The following EPHA3 variants were observed in gnomAD, a reference collection of about 807,000 sequenced individuals.
The protein encoded by EPHA3 is EPH receptor A3, also known as ephrin type-A receptor 3.
Under a neutral mutation model 107.1 loss-of-function variants are expected in EPHA3, and 42 were observed. The observed-to-expected ratio is 0.39, with a 90% CI of 0.31 to 0.51. The LOEUF is 0.51. Ranked by LOEUF, EPHA3 falls within the 20% of genes least tolerant of loss-of-function variation. The pLI, the probability that EPHA3 is intolerant of heterozygous loss-of-function variation, is 0.78. For synonymous variants in EPHA3, 461 were observed against 424.8 expected, an observed-to-expected ratio of 1.09 and a Z score of -1.05; for missense variants, 1,183 against 1,211.2, an observed-to-expected ratio of 0.98 and a Z score of 0.35.
At chr3:89,220,574 G>C (rs1054900942) in intron 3 of EPHA3, among the ~76,000 whole-genome samples, 6 of 152,176 alleles carry the variant, frequency 3.9e-5, no homozygotes, top group Non-Finnish European at 5.9e-5. Flanking sequence ...AGTAATAAAA[G>C]AGATATCAAA....
intron 4 of EPHA3, among the ~76,000 whole-genome samples, 183 bp downstream of exon 4, chr3:89,341,254 A>C (rs948054746): frequency 4.6e-5 from 7 of 152,222 alleles, no homozygotes; most frequent in Non-Finnish European, 1.5e-5. Context: ...TTATCACACA[A>C]AATGAATTAA....
intron 3 of EPHA3, among the ~76,000 whole-genome samples, chr3:89,224,113 T>G (rs1349075165): frequency 6.6e-6 from 1 of 152,202 alleles, no homozygotes; most frequent in African/African-American, 2.4e-5. Flanking sequence ...GATAACTTTC[T>G]TGAACATAGG....
intron 3 of EPHA3, among the ~76,000 whole-genome samples, chr3:89,287,768 G>A (rs1329013174): frequency 6.6e-6 from 1 of 152,020 alleles, no homozygotes; most frequent in Non-Finnish European, 1.5e-5. Context: ...GTGGAAATTA[G>A]TTCATGTTAC....
intron 3 of EPHA3, among the ~76,000 whole-genome samples, chr3:89,299,499 A>G (rs1429680886): frequency 1.3e-5 from 2 of 152,028 alleles, no homozygotes; most frequent in Admixed American, 6.6e-5. Flanking sequence ...TAACGGCATC[A>G]TCATAAAATA....
chr3:89,419,605 A>T (rs371492146), intron 11 of EPHA3, among the ~76,000 whole-genome samples: 7 of 151,482 alleles, frequency 4.6e-5, no homozygotes, highest in Admixed American at 2.0e-4. Context: ...AAAAAATTTT[A>T]AAAAAATACT....
chr3:89,401,090 T>C (rs1367349823), intron 7 of EPHA3, among the ~76,000 whole-genome samples: 1 of 152,192 alleles, frequency 6.6e-6, no homozygotes, highest in African/African-American at 2.4e-5. Flanking sequence ...ATTTGATACC[T>C]GATAAAAACT....
intron 3 of EPHA3, among the ~76,000 whole-genome samples, chr3:89,222,347 A>ATG (rs1704398592): frequency 7.1e-6 from 1 of 140,670 alleles, no homozygotes; most frequent in African/African-American, 2.6e-5. Flanking sequence ...ATATATATAT[A>ATG]TATATATGTA....
At chr3:89,407,636 T>C (rs1289420729) in intron 8 of EPHA3, among the ~76,000 whole-genome samples, 1 of 152,114 alleles carries the variant, frequency 6.6e-6, no homozygotes, top group Non-Finnish European at 1.5e-5. Context: ...TCCTAGTTTT[T>C]ACTTTCTTTC....
chr3:89,280,477 C>T (rs953997483), intron 3 of EPHA3, among the ~76,000 whole-genome samples: 3 of 152,142 alleles, frequency 2.0e-5, no homozygotes, highest in Admixed American at 6.5e-5. Flanking sequence ...AATCAGAGCA[C>T]TTGGTTTGTG....
intron 3 of EPHA3, among the ~76,000 whole-genome samples, chr3:89,322,180 G>A (rs1183519537): frequency 6.6e-6 from 1 of 151,930 alleles, no homozygotes; most frequent in African/African-American, 2.4e-5. Context: ...GCATTCAAGA[G>A]AGTTTCCTAT....
intron 2 of EPHA3, among the ~76,000 whole-genome samples, chr3:89,172,668 A>T (rs1237002963): frequency 2.6e-5 from 4 of 152,202 alleles, no homozygotes; most frequent in Non-Finnish European, 4.4e-5. Flanking sequence ...AAGATTCCCT[A>T]TCACTTCACT....
chr3:89,219,471 C>A (rs1320844987), intron 3 of EPHA3, among the ~76,000 whole-genome samples: 1 of 151,230 alleles, frequency 6.6e-6, no homozygotes, highest in Non-Finnish European at 1.5e-5. Flanking sequence ...CCCCCCACAA[C>A]AATTTATGAG....
intron 5 of EPHA3, among the ~76,000 whole-genome samples, chr3:89,342,989 G>A (rs1291458778): frequency 6.6e-6 from 1 of 152,070 alleles, no homozygotes; most frequent in Non-Finnish European, 1.5e-5. Context: ...CCCAGGTGGG[G>A]TCACCTCTGA....
chr3:89,435,952 C>CAAT (rs974588507), intron 13 of EPHA3, among the ~76,000 whole-genome samples: 2 of 149,376 alleles, frequency 1.3e-5, no homozygotes, highest in African/African-American at 2.4e-5. Flanking sequence ...GAATCCATCT[C>CAAT]AATAATAATA....
At chr3:89,299,774 G>A (rs1346894496) in intron 3 of EPHA3, among the ~76,000 whole-genome samples, 2 of 152,116 alleles carry the variant, frequency 1.3e-5, no homozygotes, top group African/African-American at 2.4e-5. Context: ...TAAAGAAAAT[G>A]TATTGGGCAG....
At position 89,429,086 on chromosome 3, in the gene EPHA3, A is replaced by G; in HGVS notation, c.2075-20A>G. The G allele has an allele frequency of 6.5e-7, 1 of 1,533,218 alleles. No homozygotes were observed. The highest frequency in any genetic ancestry group is 9.0e-7 in the Non-Finnish European group (1 of 1,107,868). 95.0% of individuals were successfully genotyped at this position (1,533,218 alleles called of 1,614,324 possible). A position where few individuals can be genotyped will look rare whatever the true frequency, so the allele number is the denominator to read the frequency against. The stretch of plus-strand genomic sequence containing the variant: ...ACTTGAACTGTACTGATTATTATTT[A>G]TTATTTACTGTATATCTAGGTAAGC... On this transcript the variant is annotated intron_variant, in intron 11 of 16. Coordinates refer to ENST00000336596, the MANE Select transcript of EPHA3 (RefSeq NM_005233.6).
intron 5 of EPHA3, among the ~76,000 whole-genome samples, chr3:89,390,482 C>T (rs958388501): frequency 6.6e-6 from 1 of 151,840 alleles, no homozygotes; most frequent in Non-Finnish European, 1.5e-5. Flanking sequence ...CGCCTGTAAT[C>T]CCAGCTACTC....
intron 2 of EPHA3, among the ~76,000 whole-genome samples, chr3:89,139,686 G>T (rs1428927144): frequency 1.3e-5 from 2 of 151,672 alleles, no homozygotes; most frequent in Non-Finnish European, 2.9e-5. Context: ...ATCATCTAGT[G>T]CAATACTCTA....
chr3:89,268,008 G>A (rs184944422), intron 3 of EPHA3, among the ~76,000 whole-genome samples: 31 of 152,250 alleles, frequency 2.0e-4, no homozygotes, highest in African/African-American at 6.7e-4. Context: ...TTGACCTTCA[G>A]TAAAGTATGC....
Sources: gnomAD v4.1 joint callset for allele counts (sites outside exome capture counted in the v4.1 genomes callset) on GRCh38, gnomAD v4.1.1 for gene constraint, MANE v1.5 for transcripts, NCBI Gene and HGNC (gene_info 2026-07-23, HGNC 2026-07-21) for gene names.